Variants in PKHD1L1 observed in about 807,000 individuals in gnomAD.
The protein encoded by PKHD1L1 is fibrocystin-L.
In PKHD1L1, 434 loss-of-function variants were observed where a neutral mutation model predicts 462.9. The ratio of observed to expected loss-of-function variants is 0.94; its 90% CI spans 0.87 to 1.02. The LOEUF (loss-of-function observed/expected upper bound fraction) is 1.02, where lower values mean the gene tolerates loss of function less well. Among genes scored for constraint, PKHD1L1 ranks in the 50% least tolerant of loss-of-function variants. The pLI, the probability that PKHD1L1 is intolerant of heterozygous loss-of-function variation, is 0.00. For synonymous variants in PKHD1L1, 1,781 were observed against 1,750.0 expected (o/e 1.02, Z -0.44); for missense variants, 5,202 against 5,096.1 (o/e 1.02, Z -0.63).
intron 32 of PKHD1L1, among the ~76,000 whole-genome samples, chr8:109,439,554 A>G (rs1412145561): frequency 8.5e-5 from 13 of 152,254 alleles, no homozygotes; most frequent in Admixed American, 3.3e-4. Flanking sequence ...GTAAGAGTCT[A>G]TAATAGAGAG....
chr8:109,382,683 TTAGCATGTAACAAAGGA>T, intron 4 of PKHD1L1, 112 bp downstream of exon 4: 1 of 644,378 alleles, frequency 1.6e-6, no homozygotes, highest in Non-Finnish European at 2.5e-6. Flanking sequence ...TAAAAATACA[TTAGCATGTAACAAAGGA>T]TAATTTCCCT....
intron 48 of PKHD1L1, among the ~76,000 whole-genome samples, chr8:109,462,442 C>G (rs1817191047): frequency 6.6e-6 from 1 of 152,134 alleles, no homozygotes; most frequent in African/African-American, 2.4e-5. Flanking sequence ...CTCCTACGAC[C>G]CTATGCCTTG....
At chr8:109,388,680 C>A in intron 7 of PKHD1L1, 130 bp downstream of exon 7, 1 of 677,436 alleles carries the variant, frequency 1.5e-6, no homozygotes, top group Non-Finnish European at 2.5e-6. Flanking sequence ...TAATATTCCA[C>A]ATAGCGCATT....
chr8:109,482,904 T>C (rs1818339972), intron 56 of PKHD1L1, 83 bp from the exon 57 acceptor site: 1 of 775,760 alleles, frequency 1.3e-6, no homozygotes, highest in Non-Finnish European at 1.9e-6. Context: ...TAATAAAATA[T>C]ATCAATGAAC....
chr8:109,405,806 C>G (rs1813507432), intron 16 of PKHD1L1, among the ~76,000 whole-genome samples: 1 of 151,986 alleles, frequency 6.6e-6, no homozygotes, highest in African/African-American at 2.4e-5. Context: ...CATACGTTTA[C>G]CTATGTAACA....
At chr8:109,432,054 T>C (rs982539376) in intron 27 of PKHD1L1, among the ~76,000 whole-genome samples, 3 of 152,196 alleles carry the variant, frequency 2.0e-5, no homozygotes, top group African/African-American at 7.2e-5. Context: ...TTATTAGTAA[T>C]GTACATGATC....
intron 1 of PKHD1L1, 114 bp downstream of exon 1, chr8:109,362,767 G>A (rs1036004392): frequency 5.0e-6 from 6 of 1,201,036 alleles, no homozygotes; most frequent in East Asian, 2.6e-5. Context: ...GAGGCTGTGG[G>A]TGCGGTTGCA....
At chr8:109,382,915 T>A (rs1812199704) in intron 4 of PKHD1L1, among the ~76,000 whole-genome samples, 1 of 149,746 alleles carries the variant, frequency 6.7e-6, no homozygotes, top group Admixed American at 6.8e-5. Context: ...TCTACGTAAT[T>A]TCTAACGTAA....
chr8:109,418,887 A>G (rs927472882), intron 21 of PKHD1L1, among the ~76,000 whole-genome samples: 12 of 152,238 alleles, frequency 7.9e-5, no homozygotes, highest in African/African-American at 2.9e-4. Flanking sequence ...GAAAGCCTAT[A>G]TTTGTATACA....
chr8:109,519,342 T>G (rs938867450), intron 73 of PKHD1L1, among the ~76,000 whole-genome samples: 1 of 152,082 alleles, frequency 6.6e-6, no homozygotes, highest in Non-Finnish European at 1.5e-5. Context: ...GCTCTTCAAA[T>G]TTTCTCTATC....
intron 31 of PKHD1L1, 129 bp downstream of exon 31, chr8:109,438,585 G>C (rs1055861736): frequency 1.3e-6 from 1 of 785,490 alleles, no homozygotes; most frequent in African/African-American, 1.8e-5. Flanking sequence ...TGTTATGTGT[G>C]TGTATGTTTT....
intron 2 of PKHD1L1, among the ~76,000 whole-genome samples, chr8:109,367,949 T>C (rs1333817307): frequency 6.6e-6 from 1 of 152,160 alleles, no homozygotes; most frequent in Non-Finnish European, 1.5e-5. Flanking sequence ...GAGATATAGA[T>C]ACATGATTTT....
Position 109,445,015 on chromosome 8 carries a change from C to G in PKHD1L1, c.5146C>G (p.Pro1716Ala). 1 of 1,613,912 alleles carries G rather than the reference C, an allele frequency of 6.2e-7. No homozygotes were observed. The highest frequency in any genetic ancestry group is 8.5e-7 in the Non-Finnish European group (1 of 1,179,866). The change falls in exon 38 of 78, where the codon CCT (proline) becomes GCT (alanine). Residue 1716 changes from proline to alanine, a missense_variant. Pro to Ala is a conservative substitution (Grantham distance 27). Around this residue, in one of 3 missense-constraint regions of PKHD1L1, gnomAD observed 4,497 missense variants for 4,336.8 expected, o/e 1.04. Transcript: ENST00000378402. The part of the protein sequence containing the change: ...NYTAIECETS[P>A]AAQQLVDVDL... ...TACGGCCATTGAATGTGAAACATCC[C>G]CTGCTGCCCAACAGCTTGTGGATGT...
chr8:109,383,482 AT>A (rs1205545808), intron 4 of PKHD1L1, among the ~76,000 whole-genome samples: 2,256 of 132,712 alleles, frequency 0.017, 22 homozygotes, highest in Non-Finnish European at 0.026. Context: ...ATATAAAACT[AT>A]TTTTATATAA....
At chr8:109,475,933 A>G (rs1440002573) in intron 51 of PKHD1L1, among the ~76,000 whole-genome samples, 1 of 151,972 alleles carries the variant, frequency 6.6e-6, no homozygotes, top group Non-Finnish European at 1.5e-5. Context: ...AAAAAAGTAA[A>G]ATATGGTAGA....
intron 14 of PKHD1L1, among the ~76,000 whole-genome samples, chr8:109,403,740 C>T (rs1813389238): frequency 6.6e-6 from 1 of 152,102 alleles, no homozygotes; most frequent in Non-Finnish European, 1.5e-5. Context: ...ATAAATTTCC[C>T]TCATTCAGAC....
rs1048280391 is a variant in PKHD1L1 at position 109,437,467 on chromosome 8, A to G, written c.3628-857A>G. ...ATTAACTTGTCATTTAACATTAGGTATATCTCCTAATGCTATCCCTCCCCC... is the reference window on the plus strand; with the variant it reads ...ATTAACTTGTCATTTAACATTAGGTGTATCTCCTAATGCTATCCCTCCCCC... On this transcript the variant is annotated intron_variant, in intron 30 of 77. Transcript: ENST00000378402. Among the ~76,000 whole-genome samples, 5 of 149,028 alleles carry G rather than the reference A, an allele frequency of 3.4e-5. No individual in the cohort carries two copies. The East Asian group carries it at 6.2e-4, about 18-fold the overall frequency.
rs914978284 is a variant in PKHD1L1, at chr8:109,536,410, T to A, written c.*6320T>A. ...TTGTTTCATGTTGTTTTATTTCTAC[T>A]TTCTCAATCCATGTACAAGATAGAT... On this transcript the variant is annotated 3_prime_UTR_variant, in exon 78 of 78. Coordinates refer to ENST00000378402, the MANE Select transcript of PKHD1L1 (RefSeq NM_177531.6). Among the ~76,000 whole-genome samples the A allele has an allele frequency of 6.6e-6, 1 of 152,234 alleles. No individual in the cohort carries two copies. Among genetic ancestry groups the A allele is most frequent in the African/African-American group, 2.4e-5 (1 of 41,458 alleles).
chr8:109,465,087 T>C lies in PKHD1L1; in HGVS notation c.8255T>C (p.Val2752Ala). The C allele has an allele frequency of 6.2e-7, 1 of 1,613,840 alleles. No homozygotes were observed. Among genetic ancestry groups the C allele is most frequent in the Non-Finnish European group, 8.5e-7 (1 of 1,179,792 alleles). ...ATGAACTTTGACCGTCCCAACTGTG[T>C]AGCTTTGGGAGTGACATCCATCTCT... ...HFMNFDRPNC[V>A]ALGVTSISGV... is the part of the protein sequence containing the mutation. The change falls in exon 49 of 78, where the codon GTA becomes GCA. Residue 2752 changes from valine (V) to alanine (A), a missense_variant. Val to Ala is a moderately conservative substitution (Grantham distance 64, BLOSUM62 0). Transcript: ENST00000378402.
Sources: allele counts gnomAD v4.1 joint callset (sites outside exome capture counted in the v4.1 genomes callset), GRCh38; gene constraint gnomAD v4.1.1; regional missense constraint gnomAD v4.1.1; transcripts MANE v1.5; gene names NCBI Gene and HGNC (gene_info 2026-07-23, HGNC 2026-07-21).